CACNA2D3: variants seen among roughly 807,000 people sequenced by gnomAD.
CACNA2D3 encodes voltage-dependent calcium channel subunit alpha-2/delta-3.
In CACNA2D3, 60 loss-of-function variants were observed where a neutral mutation model predicts 160.6. That is an observed-to-expected ratio of 0.37 (90% CI 0.30 to 0.46). The LOEUF (loss-of-function observed/expected upper bound fraction) is 0.46, where lower values mean the gene tolerates loss of function less well. Among genes scored for constraint, CACNA2D3 ranks in the 20% least tolerant of loss-of-function variants. The pLI, the probability that CACNA2D3 is intolerant of heterozygous loss-of-function variation, is 1.00. For missense variants in CACNA2D3, 1,205 were observed against 1,365.0 expected (o/e 0.88, Z 1.85); for synonymous variants, 558 against 492.9 (o/e 1.13, Z -1.75).
intron 27 of CACNA2D3, among the ~76,000 whole-genome samples, chr3:54,956,602 A>C (rs190620317): frequency 1.4e-3 from 213 of 152,142 alleles, no homozygotes; most frequent in African/African-American, 5.0e-3. Context: ...GCTGTCATAA[A>C]TTCCTGCTCA....
intron 4 of CACNA2D3, among the ~76,000 whole-genome samples, chr3:54,387,543 T>C (rs1807265): frequency 0.099 from 15,055 of 152,156 alleles, 840 homozygotes; most frequent in East Asian, 0.17. Flanking sequence ...TCCCAGCTAC[T>C]TGGGAAACTG....
intron 3 of CACNA2D3, among the ~76,000 whole-genome samples, chr3:54,321,195 C>T (rs545745439): frequency 6.6e-6 from 1 of 152,078 alleles, no homozygotes; most frequent in South Asian, 2.1e-4. Context: ...TGGTGGGTGC[C>T]TGTAATCCCA....
chr3:54,521,497 C>G (rs533445331), intron 5 of CACNA2D3, among the ~76,000 whole-genome samples: 1 of 152,176 alleles, frequency 6.6e-6, no homozygotes, highest in East Asian at 1.9e-4. Context: ...TGTGAGTTGT[C>G]TTTTTTGCTT....
At chr3:54,808,529 C>G (rs1191679670) in intron 13 of CACNA2D3, among the ~76,000 whole-genome samples, 3 of 152,150 alleles carry the variant, frequency 2.0e-5, no homozygotes, top group African/African-American at 7.2e-5. Context: ...GGTCACACGT[C>G]TACCCTGAGC....
intron 13 of CACNA2D3, among the ~76,000 whole-genome samples, chr3:54,800,507 C>G (rs1702960996): frequency 6.6e-6 from 1 of 152,262 alleles, no homozygotes; most frequent in East Asian, 1.9e-4. Context: ...AGATACAATG[C>G]AGAGTGAAAG....
At chr3:54,310,637 C>G (rs1703718096) in intron 2 of CACNA2D3, among the ~76,000 whole-genome samples, 1 of 152,120 alleles carries the variant, frequency 6.6e-6, no homozygotes, top group South Asian at 2.1e-4. Context: ...ACATCGGGAG[C>G]TAGTTGGTCT....
At chr3:54,563,147 G>C (rs957149024) in intron 6 of CACNA2D3, among the ~76,000 whole-genome samples, 6 of 152,238 alleles carry the variant, frequency 3.9e-5, no homozygotes, top group African/African-American at 1.4e-4. Flanking sequence ...GAATTCTCTG[G>C]ACCTGCCCTG....
chr3:54,911,022 T>A (rs1288406582), intron 27 of CACNA2D3, among the ~76,000 whole-genome samples: 1 of 152,148 alleles, frequency 6.6e-6, no homozygotes, highest in Non-Finnish European at 1.5e-5. Flanking sequence ...TTGGCCACTG[T>A]GTCCTTCAAT....
At chr3:54,972,516 T>G (rs1702297887) in intron 29 of CACNA2D3, among the ~76,000 whole-genome samples, 1 of 152,110 alleles carries the variant, frequency 6.6e-6, no homozygotes, top group South Asian at 2.1e-4. Context: ...TGATCAGGTC[T>G]CCATTAAAAA....
chr3:54,792,377 T>C (rs1266300514), intron 13 of CACNA2D3, among the ~76,000 whole-genome samples: 1 of 152,190 alleles, frequency 6.6e-6, no homozygotes, highest in African/African-American at 2.4e-5. Flanking sequence ...ACTTATAATA[T>C]GTTGACATAG....
chr3:54,208,168 C>T (rs572387104), intron 2 of CACNA2D3, among the ~76,000 whole-genome samples: 128 of 152,168 alleles, frequency 8.4e-4, no homozygotes, highest in Admixed American at 3.4e-3. Context: ...TGCAATGGTG[C>T]GATCTCGGCT....
chr3:54,937,124 G>A (rs1701347753), intron 27 of CACNA2D3, among the ~76,000 whole-genome samples: 1 of 152,148 alleles, frequency 6.6e-6, no homozygotes, highest in Non-Finnish European at 1.5e-5. Flanking sequence ...TGAAGGTGAA[G>A]ACACCCTTAC....
chr3:54,832,237 C>G (rs1703896942), intron 14 of CACNA2D3, among the ~76,000 whole-genome samples: 1 of 152,166 alleles, frequency 6.6e-6, no homozygotes, highest in Admixed American at 6.5e-5. Flanking sequence ...GAACTACATG[C>G]CTAGTTAATA....
intron 3 of CACNA2D3, among the ~76,000 whole-genome samples, chr3:54,348,998 G>A (rs766977401): frequency 1.5e-4 from 23 of 152,176 alleles, no homozygotes; most frequent in Non-Finnish European, 2.5e-4. Flanking sequence ...AAAGTGCTGG[G>A]ATTACAGGCA....
intron 27 of CACNA2D3, among the ~76,000 whole-genome samples, chr3:54,911,653 TG>T: frequency 6.6e-6 from 1 of 152,254 alleles, no homozygotes; most frequent in South Asian, 2.1e-4. Context: ...CTTTCATCTC[TG>T]CCCTGGATTG....
chr3:54,997,401 A>G (rs1335137188), intron 31 of CACNA2D3, among the ~76,000 whole-genome samples: 4 of 152,040 alleles, frequency 2.6e-5, no homozygotes, highest in African/African-American at 7.2e-5. Flanking sequence ...AGGTATCATC[A>G]TGTATATAAA....
At chr3:54,933,982 G>T (rs1418701942) in intron 27 of CACNA2D3, among the ~76,000 whole-genome samples, 1 of 152,084 alleles carries the variant, frequency 6.6e-6, no homozygotes, top group Non-Finnish European at 1.5e-5. Context: ...TGTTGGTCAG[G>T]CTGGTCTCTA....
At position 54,739,662 on chromosome 3, in the gene CACNA2D3, G is replaced by A. The variant is rs534772184; in HGVS notation, c.1168-12937G>A. ...AGCTGGGGCCATAGAGTCCAAGATT[G>A]CATGTGTCCTATTCAGGGAAACCAA... On this transcript the variant is annotated intron_variant, in intron 11 of 37. Coordinates refer to ENST00000474759, the MANE Select transcript of CACNA2D3 (RefSeq NM_018398.3). Among the ~76,000 whole-genome samples, 4 of 152,000 alleles carry A rather than the reference G, an allele frequency of 2.6e-5. No individual in the cohort carries two copies. In the East Asian group the frequency reaches 5.9e-4, roughly 22 times the overall value.
intron 2 of CACNA2D3, among the ~76,000 whole-genome samples, chr3:54,306,328 T>TGAGAGAGAGAGA (rs140311356): frequency 1.3e-5 from 2 of 151,214 alleles, no homozygotes; most frequent in South Asian, 2.1e-4. Context: ...TGTGTGTATA[T>TGAGAGAGAGAGA]GAGAGAGAGA....
Sources: gnomAD v4.1 joint callset for allele counts (sites outside exome capture counted in the v4.1 genomes callset) on GRCh38, gnomAD v4.1.1 for gene constraint, MANE v1.5 for transcripts, NCBI Gene and HGNC (gene_info 2026-07-23, HGNC 2026-07-21) for gene names.